The following ZNF385D variants were observed in gnomAD, a reference collection of about 807,000 sequenced individuals.
The protein encoded by ZNF385D is zinc finger protein 659.
A neutral mutation model predicts 35.8 loss-of-function variants in ZNF385D; 15 were observed. That is an observed-to-expected ratio of 0.42 (90% CI 0.28 to 0.64). The LOEUF (loss-of-function observed/expected upper bound fraction) is 0.64. ZNF385D is among the 30% of genes least tolerant of loss of function. The probability of loss-of-function intolerance (pLI) is 0.23; values close to 1 mark genes in which losing one functional copy is unlikely to be tolerated. For missense variants in ZNF385D, 474 were observed against 494.6 expected (o/e 0.96, Z 0.39); for synonymous variants, 212 against 186.8 (o/e 1.13, Z -1.10).
intron 3 of ZNF385D, among the ~76,000 whole-genome samples, chr3:21,967,001 A>G (rs755752978): frequency 6.6e-6 from 1 of 152,250 alleles, no homozygotes; most frequent in Non-Finnish European, 1.5e-5. Flanking sequence ...TATGAAAAAA[A>G]TTCTAAAAGA....
intron 3 of ZNF385D, among the ~76,000 whole-genome samples, chr3:21,943,823 A>G (rs34187078): frequency 0.11 from 17,465 of 152,230 alleles, 1,331 homozygotes; most frequent in South Asian, 0.26. Flanking sequence ...ACTAAGCCTG[A>G]AAACACTGAT....
chr3:21,896,226 C>G (rs370892132), intron 3 of ZNF385D, among the ~76,000 whole-genome samples: 2 of 152,178 alleles, frequency 1.3e-5, no homozygotes, highest in African/African-American at 4.8e-5. Flanking sequence ...ATCACCTGAA[C>G]AGTTTACATG....
At chr3:21,467,360 A>C (rs1575199952) in intron 4 of ZNF385D, among the ~76,000 whole-genome samples, 1 of 152,278 alleles carries the variant, frequency 6.6e-6, no homozygotes, top group South Asian at 2.1e-4. Flanking sequence ...CATTATTCTG[A>C]TTCTAAGTGC....
chr3:21,834,771 G>GGATCTTA lies in ZNF385D; in HGVS notation c.326-169744_326-169743insTAAGATC, dbSNP rs62836660. Among the ~76,000 whole-genome samples, 3 of 151,790 alleles carry GGATCTTA rather than the reference G, an allele frequency of 2.0e-5. 1 individual carries two copies. The highest frequency in any genetic ancestry group is 7.3e-5 in the African/African-American group (3 of 41,318). ...CAGTGGGATCTCGTGGGAGATGAAT[G>GGATCTTA]GATCTTGGGGCAGTTCCCCCATGCT... On this transcript the variant is annotated intron_variant, in intron 3 of 5. Transcript: ENST00000494108.
chr3:22,300,690 T>C (rs1017099048), intron 2 of ZNF385D, among the ~76,000 whole-genome samples: 1 of 151,940 alleles, frequency 6.6e-6, no homozygotes, highest in African/African-American at 2.4e-5. Context: ...ATTAAAAACG[T>C]TCAATATCAC....
At chr3:21,765,864 G>A (rs546631697) in intron 3 of ZNF385D, among the ~76,000 whole-genome samples, 1 of 152,144 alleles carries the variant, frequency 6.6e-6, no homozygotes, top group South Asian at 2.1e-4. Context: ...ATTATCTCGT[G>A]TTTTCCCTGT....
chr3:22,175,799 T>C lies in ZNF385D; in HGVS notation c.107-6764A>G, dbSNP rs565011542. Among the ~76,000 whole-genome samples, 4 of 151,144 alleles carry C rather than the reference T, an allele frequency of 2.6e-5. No individual in the cohort carries two copies. The East Asian group carries it at 7.7e-4, about 29-fold the overall frequency. ...GTATATAGATTTTATGCATCATATT[T>C]GGAATACATATATATATAAATCAAA... On this transcript the variant is annotated intron_variant, in intron 2 of 5. Transcript: ENST00000494108.
intron 2 of ZNF385D, among the ~76,000 whole-genome samples, chr3:22,304,953 T>G (rs544349879): frequency 6.6e-6 from 1 of 152,120 alleles, no homozygotes; most frequent in East Asian, 1.9e-4. Flanking sequence ...AAGTGCTTAG[T>G]ACAGTATTAT....
At chr3:22,020,528 A>C (rs947466586) in intron 3 of ZNF385D, among the ~76,000 whole-genome samples, 1 of 151,946 alleles carries the variant, frequency 6.6e-6, no homozygotes, top group Non-Finnish European at 1.5e-5. Context: ...TATGAAAAAA[A>C]TGTACATCAC....
intron 2 of ZNF385D, among the ~76,000 whole-genome samples, chr3:21,657,565 A>G (rs979059644): frequency 1.3e-5 from 2 of 151,980 alleles, no homozygotes; most frequent in Non-Finnish European, 2.9e-5. Context: ...GTTAATGAAC[A>G]GAACTAGAGA....
intron 3 of ZNF385D, among the ~76,000 whole-genome samples, chr3:22,037,320 T>G (rs1347010171): frequency 6.8e-6 from 1 of 147,632 alleles, no homozygotes; most frequent in Admixed American, 6.9e-5. Context: ...TAGTTTACAG[T>G]CCCACCAACA....
chr3:21,959,537 C>A (rs1702469331), intron 3 of ZNF385D, among the ~76,000 whole-genome samples: 2 of 152,134 alleles, frequency 1.3e-5, no homozygotes, highest in South Asian at 2.1e-4. Context: ...CTGGAAAGAA[C>A]CATGTAAGGT....
chr3:21,911,794 AC>A (rs1246361663), intron 3 of ZNF385D, among the ~76,000 whole-genome samples: 1 of 151,962 alleles, frequency 6.6e-6, no homozygotes, highest in African/African-American at 2.4e-5. Context: ...AATTTATCAC[AC>A]TTGAAAAATC....
chr3:21,934,141 T>C (rs757359000), intron 3 of ZNF385D, among the ~76,000 whole-genome samples: 1 of 152,176 alleles, frequency 6.6e-6, no homozygotes, highest in African/African-American at 2.4e-5. Context: ...TAATAGGTCA[T>C]AGAATACATT....
chr3:21,615,913 T>C (rs1407632004), intron 2 of ZNF385D, among the ~76,000 whole-genome samples: 2 of 152,032 alleles, frequency 1.3e-5, no homozygotes, highest in African/African-American at 4.8e-5. Flanking sequence ...TTCCAGAATC[T>C]GAGTGGTTTT....
chr3:21,852,825 A>T (rs542450031), intron 3 of ZNF385D, among the ~76,000 whole-genome samples: 1 of 152,008 alleles, frequency 6.6e-6, no homozygotes, highest in Admixed American at 6.6e-5. Flanking sequence ...ATTGAAAAAG[A>T]GTGAGACTTG....
chr3:21,727,655 G>A (rs2068824778), intron 1 of ZNF385D, among the ~76,000 whole-genome samples: 2 of 152,184 alleles, frequency 1.3e-5, no homozygotes, highest in South Asian at 4.1e-4. Flanking sequence ...TCATTAAAAA[G>A]TCAGGAAACA....
intron 1 of ZNF385D, among the ~76,000 whole-genome samples, chr3:21,731,195 A>G (rs898912992): frequency 6.6e-6 from 1 of 152,226 alleles, no homozygotes. Context: ...CATGTGTTCA[A>G]TTCTTAAACA....
intron 3 of ZNF385D, among the ~76,000 whole-genome samples, chr3:21,989,937 C>T (rs1271321054): frequency 6.6e-6 from 1 of 152,140 alleles, no homozygotes; most frequent in Admixed American, 6.5e-5. Flanking sequence ...TGATTTCACA[C>T]AAAGATTTAT....
Sources: allele counts gnomAD v4.1 joint callset (sites outside exome capture counted in the v4.1 genomes callset), GRCh38; gene constraint gnomAD v4.1.1; transcripts MANE v1.5; gene names NCBI Gene and HGNC (gene_info 2026-07-23, HGNC 2026-07-21).